Variants in CCDC149 observed in about 807,000 individuals in gnomAD.
CCDC149 encodes coiled-coil domain containing 149, also known as coiled-coil domain-containing protein 149.
In CCDC149, 45 loss-of-function variants were observed where a neutral mutation model predicts 59.9. The observed-to-expected ratio is 0.75, with a 90% CI of 0.59 to 0.96. The LOEUF is 0.96. CCDC149 is among the 40% of genes least tolerant of loss of function. The pLI, the probability that CCDC149 is intolerant of heterozygous loss-of-function variation, is 0.00. For synonymous variants in CCDC149, 245 were observed against 260.6 expected (o/e 0.94, Z 0.58); for missense variants, 584 against 664.7 (o/e 0.88, Z 1.33).
intron 2 of CCDC149, among the ~76,000 whole-genome samples, chr4:24,874,260 G>GTTTTTTTTTTTTTTTT (rs1233579287): frequency 3.0e-5 from 1 of 33,850 alleles, no homozygotes; most frequent in African/African-American, 8.9e-5. Context: ...TTTTTTTTTT[G>GTTTTTTTTTTTTTTTT]TTTTGTTTTT....
chr4:24,893,613 CTT>C (rs3066508), intron 1 of CCDC149, among the ~76,000 whole-genome samples: 22 of 65,874 alleles, frequency 3.3e-4, no homozygotes, highest in African/African-American at 1.1e-3. Context: ...AAAATACAGA[CTT>C]TTTTTTTTTT....
At chr4:24,906,357 C>T (rs1010340706) in intron 1 of CCDC149, among the ~76,000 whole-genome samples, 6 of 18,984 alleles carry the variant, frequency 3.2e-4, no homozygotes, top group South Asian at 2.9e-3. Flanking sequence ...TCAGGGGCAG[C>T]GGAACAAATT....
At chr4:24,950,245 A>G (rs1041787923) in intron 1 of CCDC149, among the ~76,000 whole-genome samples, 1 of 152,206 alleles carries the variant, frequency 6.6e-6, no homozygotes, top group Non-Finnish European at 1.5e-5. Flanking sequence ...CCCAGGGCTG[A>G]ATCCAGTCTT....
intron 3 of CCDC149, among the ~76,000 whole-genome samples, chr4:24,871,942 C>T (rs1239714576): frequency 1.3e-5 from 2 of 152,098 alleles, no homozygotes; most frequent in African/African-American, 2.4e-5. Flanking sequence ...TTTAACAAAA[C>T]CCCTATCAAA....
chr4:24,905,255 T>C (rs1485243482), intron 1 of CCDC149, among the ~76,000 whole-genome samples: 1 of 152,000 alleles, frequency 6.6e-6, no homozygotes, highest in Non-Finnish European at 1.5e-5. Context: ...AGATGTGTGT[T>C]GTGCACATAT....
chr4:24,973,203 T>C (rs1404443967), intron 1 of CCDC149, among the ~76,000 whole-genome samples: 2 of 152,172 alleles, frequency 1.3e-5, no homozygotes, highest in Non-Finnish European at 2.9e-5. Flanking sequence ...TTGACTGAAG[T>C]CTTATGTCTC....
At chr4:24,937,679 G>A (rs144700772) in intron 1 of CCDC149, among the ~76,000 whole-genome samples, 44 of 152,302 alleles carry the variant, frequency 2.9e-4, no homozygotes, top group Admixed American at 9.8e-4. Context: ...AAGCTGGAGC[G>A]TTACACCCTG....
At chr4:24,838,626 G>A (rs148052301) in intron 4 of CCDC149, among the ~76,000 whole-genome samples, 2 of 152,098 alleles carry the variant, frequency 1.3e-5, no homozygotes, top group Non-Finnish European at 1.5e-5. Context: ...TCCCACACTC[G>A]TAACAATGAG....
intron 1 of CCDC149, among the ~76,000 whole-genome samples, chr4:24,909,440 C>T (rs889694633): frequency 1.3e-5 from 2 of 152,312 alleles, no homozygotes; most frequent in South Asian, 2.1e-4. Context: ...CCCAGTCACA[C>T]CCATGGAACC....
intron 1 of CCDC149, among the ~76,000 whole-genome samples, chr4:24,896,279 G>T (rs1294554852): frequency 6.6e-6 from 1 of 152,188 alleles, no homozygotes; most frequent in Non-Finnish European, 1.5e-5. Context: ...AGGAAATGGG[G>T]GGTAAGGTGA....
At chr4:24,958,160 T>A (rs1393775977) in intron 1 of CCDC149, among the ~76,000 whole-genome samples, 2 of 152,228 alleles carry the variant, frequency 1.3e-5, no homozygotes, top group Non-Finnish European at 2.9e-5. Context: ...CTCATTGACC[T>A]ACTAATGCTG....
chr4:24,912,778 G>C (rs1721965434), intron 1 of CCDC149, 39 bp downstream of exon 1: 3 of 1,218,684 alleles, frequency 2.5e-6, no homozygotes, highest in Admixed American at 8.8e-5. Context: ...GCGGCCGCTC[G>C]GCCCGGCCCA....
intron 10 of CCDC149, 45 bp downstream of exon 10, chr4:24,822,452 A>G: frequency 1.5e-6 from 2 of 1,323,856 alleles, no homozygotes; most frequent in Non-Finnish European, 2.0e-6. Context: ...TCTTAAAAAA[A>G]AGAAAAAAAA....
At chr4:24,826,010 C>T (rs1486093678) in intron 9 of CCDC149, among the ~76,000 whole-genome samples, 1 of 152,016 alleles carries the variant, frequency 6.6e-6, no homozygotes, top group Admixed American at 6.5e-5. Context: ...GGCTGGAGTG[C>T]AGTGGCATGA....
At chr4:24,816,115 G>T (rs1296707238) in intron 12 of CCDC149, among the ~76,000 whole-genome samples, 1 of 151,742 alleles carries the variant, frequency 6.6e-6, no homozygotes, top group Non-Finnish European at 1.5e-5. Flanking sequence ...TTTGAGACAG[G>T]ATCTCACACT....
upstream of CCDC149, among the ~76,000 whole-genome samples, chr4:24,916,535 GC>G (rs1382596638): frequency 6.6e-6 from 1 of 152,118 alleles, no homozygotes; most frequent in Admixed American, 6.5e-5. Flanking sequence ...AAGCCCTAAA[GC>G]TTTTGATGTG....
chr4:24,935,645 C>CCCTT (rs1456046199), intron 1 of CCDC149, among the ~76,000 whole-genome samples: 1 of 152,128 alleles, frequency 6.6e-6, no homozygotes, highest in Non-Finnish European at 1.5e-5. Flanking sequence ...AGAGAGCAAG[C>CCCTT]CCTTACCAGA....
chr4:24,866,115 G>A (rs1222769756), intron 3 of CCDC149, among the ~76,000 whole-genome samples: 1 of 152,098 alleles, frequency 6.6e-6, no homozygotes, highest in Non-Finnish European at 1.5e-5. Context: ...AAATAAGCTT[G>A]ACCAAGGAGA....
At chr4:24,895,115 C>T (rs979577226) in intron 1 of CCDC149, 1 of 989,966 alleles carries the variant, frequency 1.0e-6, no homozygotes. Flanking sequence ...ATAAGTAGTG[C>T]TGACTAGGAA....
Sources: gnomAD v4.1 joint callset for allele counts (sites outside exome capture counted in the v4.1 genomes callset) on GRCh38, gnomAD v4.1.1 for gene constraint, MANE v1.5 for transcripts, NCBI Gene and HGNC (gene_info 2026-07-23, HGNC 2026-07-21) for gene names.